Variants in NCAM2 observed in about 807,000 individuals in gnomAD.
The protein encoded by NCAM2 is N-CAM-2.
In NCAM2, 30 loss-of-function variants were observed where a neutral mutation model predicts 98.1. The observed-to-expected ratio is 0.31, with a 90% CI of 0.23 to 0.41. NCAM2 has a LOEUF of 0.41. Ranked by LOEUF, NCAM2 falls within the 10% of genes least tolerant of loss-of-function variation. NCAM2 has a pLI of 1.00. For synonymous variants in NCAM2, 368 were observed against 342.4 expected (o/e 1.07, Z -0.83); for missense variants, 867 against 1,005.8 (o/e 0.86, Z 1.87).
chr21:21,385,064 T>C (rs986178501), intron 9 of NCAM2, among the ~76,000 whole-genome samples: 1 of 152,066 alleles, frequency 6.6e-6, no homozygotes, highest in Non-Finnish European at 1.5e-5. Context: ...AAATCTTAAT[T>C]CCCTTTATGT....
chr21:21,342,106 A>G (rs1602043782), intron 8 of NCAM2, among the ~76,000 whole-genome samples: 1 of 152,194 alleles, frequency 6.6e-6, no homozygotes, highest in Admixed American at 6.6e-5. Context: ...CTTCCTCCCC[A>G]TGGAATAAAT....
At chr21:21,430,910 G>A (rs1432290548) in intron 11 of NCAM2, among the ~76,000 whole-genome samples, 1 of 151,798 alleles carries the variant, frequency 6.6e-6, no homozygotes, top group African/African-American at 2.4e-5. Context: ...GCTGGGCGTG[G>A]TGGTGCGCAC....
intron 1 of NCAM2, among the ~76,000 whole-genome samples, chr21:21,258,124 C>G (rs1854433023): frequency 6.6e-6 from 1 of 152,146 alleles, no homozygotes; most frequent in Non-Finnish European, 1.5e-5. Context: ...GGAAAAACAA[C>G]TTGGGTAGAA....
At chr21:21,361,872 A>G (rs1161196660) in intron 8 of NCAM2, among the ~76,000 whole-genome samples, 5 of 151,902 alleles carry the variant, frequency 3.3e-5, no homozygotes, top group African/African-American at 4.8e-5. Context: ...GCTTTTATTT[A>G]TTTTTATTCT....
At chr21:21,148,782 G>A (rs367857555) in intron 1 of NCAM2, among the ~76,000 whole-genome samples, 1 of 152,044 alleles carries the variant, frequency 6.6e-6, no homozygotes, top group Admixed American at 6.6e-5. Flanking sequence ...TTGACCTGAA[G>A]GAGAATTAGG....
chr21:21,473,011 C>CAT (rs1984652003), intron 14 of NCAM2, among the ~76,000 whole-genome samples: 1 of 151,078 alleles, frequency 6.6e-6, no homozygotes, highest in Non-Finnish European at 1.5e-5. Flanking sequence ...TACACACACA[C>CAT]ACACGTATAT....
At chr21:21,315,985 C>T (rs2074208960) in intron 5 of NCAM2, among the ~76,000 whole-genome samples, 1 of 152,018 alleles carries the variant, frequency 6.6e-6, no homozygotes, top group Non-Finnish European at 1.5e-5. Flanking sequence ...CTTATTTAAA[C>T]AATAAGGAAT....
chr21:21,006,724 A>G (rs2064119994), intron 1 of NCAM2, among the ~76,000 whole-genome samples: 1 of 152,140 alleles, frequency 6.6e-6, no homozygotes, highest in Non-Finnish European at 1.5e-5. Flanking sequence ...TTCTGCTGTA[A>G]TAGGCATCTC....
intron 12 of NCAM2, among the ~76,000 whole-genome samples, chr21:21,450,279 T>A (rs914611217): frequency 1.3e-5 from 2 of 151,908 alleles, no homozygotes; most frequent in African/African-American, 4.8e-5. Flanking sequence ...ATATACTATT[T>A]TAATATATGC....
intron 1 of NCAM2, among the ~76,000 whole-genome samples, chr21:21,049,899 T>C (rs1458225598): frequency 6.6e-6 from 1 of 152,006 alleles, no homozygotes; most frequent in African/African-American, 2.4e-5. Flanking sequence ...TAATATTACA[T>C]CATTATGCAT....
chr21:21,423,613 C>G (rs1163084621), intron 11 of NCAM2, among the ~76,000 whole-genome samples: 2 of 152,014 alleles, frequency 1.3e-5, no homozygotes, highest in Non-Finnish European at 2.9e-5. Context: ...GCTTGTACTA[C>G]CAATTTTTTA....
chr21:21,291,708 A>G (rs555132601), intron 4 of NCAM2, among the ~76,000 whole-genome samples: 158 of 151,798 alleles, frequency 1.0e-3, no homozygotes, highest in African/African-American at 3.5e-3. Flanking sequence ...ATGTTCAATA[A>G]ATTTTCTAGC....
chr21:21,487,021 A>T (rs1052791499), intron 15 of NCAM2, among the ~76,000 whole-genome samples: 1 of 152,168 alleles, frequency 6.6e-6, no homozygotes, highest in African/African-American at 2.4e-5. Context: ...TTCTTTTAAA[A>T]ATATTCTCAG....
chr21:21,179,755 A>G (rs1316125676), intron 1 of NCAM2, among the ~76,000 whole-genome samples: 3 of 152,226 alleles, frequency 2.0e-5, no homozygotes, highest in Non-Finnish European at 4.4e-5. Flanking sequence ...GTGCAGATGT[A>G]GGACGTCATG....
At chr21:21,102,672 T>A (rs987569035) in intron 1 of NCAM2, among the ~76,000 whole-genome samples, 1 of 151,994 alleles carries the variant, frequency 6.6e-6, no homozygotes, top group Admixed American at 6.6e-5. Context: ...TATGATTTTT[T>A]AAAATTAATG....
At chr21:21,321,685 G>A (rs138281899) in intron 5 of NCAM2, among the ~76,000 whole-genome samples, 3 of 152,156 alleles carry the variant, frequency 2.0e-5, no homozygotes, top group African/African-American at 7.2e-5. Context: ...TCAACATTTT[G>A]TTAACTTTGT....
chr21:21,456,529 G>A (rs557018895), intron 12 of NCAM2, among the ~76,000 whole-genome samples: 7 of 152,078 alleles, frequency 4.6e-5, no homozygotes, highest in Admixed American at 4.6e-4. Flanking sequence ...AATATTCTGA[G>A]AAAGACACTG....
intron 1 of NCAM2, among the ~76,000 whole-genome samples, chr21:21,261,123 G>A (rs1255945170): frequency 6.6e-6 from 1 of 152,100 alleles, no homozygotes; most frequent in Non-Finnish European, 1.5e-5. Context: ...ATTATTTAGT[G>A]ATAAAGGTTT....
In NCAM2 at chr21:21,466,569, ATATGTTTTAT is replaced by A. The variant is rs72408043; in HGVS notation, c.1655-35_1655-26del. 2.4e-3 allele frequency: 3,450 copies of A among 1,438,716 alleles called. 81 individuals are homozygous for A. The African/African-American group carries it at 0.041, about 17-fold the overall frequency. 89.1% of individuals were successfully genotyped at this position (1,438,716 alleles called of 1,614,324 possible). A position where few individuals can be genotyped will look rare whatever the true frequency, so the allele number is the denominator to read the frequency against. ...TGTCCAATTAGATATATATGTATAT[ATATGTTTTAT>A]TTTGTTTTGTTTTGTTTTTCTTCTA... On this transcript the variant is annotated intron_variant, in intron 12 of 17. Coordinates refer to ENST00000400546, the MANE Select transcript of NCAM2 (RefSeq NM_004540.5).
Sources: allele counts gnomAD v4.1 joint callset (sites outside exome capture counted in the v4.1 genomes callset), GRCh38; gene constraint gnomAD v4.1.1; transcripts MANE v1.5; gene names NCBI Gene and HGNC (gene_info 2026-07-23, HGNC 2026-07-21).